NETO1: variants seen among roughly 807,000 people sequenced by gnomAD.
NETO1 encodes the protein neuropilin and tolloid like 1, also known as neuropilin and tolloid-like protein 1.
A neutral mutation model predicts 61.3 loss-of-function variants in NETO1; 26 were observed. The observed-to-expected ratio is 0.42, with a 90% CI of 0.31 to 0.59. NETO1 has a LOEUF of 0.59. Ranked by LOEUF, NETO1 falls within the 20% of genes least tolerant of loss-of-function variation. The pLI, the probability that NETO1 is intolerant of heterozygous loss-of-function variation, is 0.12. For synonymous variants in NETO1, 225 were observed against 225.8 expected, an observed-to-expected ratio of 1.00 and a Z score of 0.03; for missense variants, 531 against 662.8, an observed-to-expected ratio of 0.80 and a Z score of 2.18.
rs560015869 is a variant in NETO1 at position 72,814,816 on chromosome 18, T to G, written c.470-20412A>C. On this transcript the variant is annotated intron_variant, in intron 4 of 10. Transcript: ENST00000327305. ...CAACTCTCTGAGAGATACAAGAATT[T>G]TAAATGTATATATACCTAATAACAT... Among the ~76,000 whole-genome samples, 21 of 152,160 alleles carry G rather than the reference T, an allele frequency of 1.4e-4. No homozygotes were observed. The South Asian group carries it at 4.1e-3, about 30-fold the overall frequency.
At chr18:72,758,785 G>A (rs1456145668) in intron 7 of NETO1, among the ~76,000 whole-genome samples, 5 of 152,218 alleles carry the variant, frequency 3.3e-5, no homozygotes, top group African/African-American at 7.2e-5. Context: ...GCAGTGAGCC[G>A]AGATTGCGCC....
chr18:72,827,030 G>C (rs73471897), intron 4 of NETO1, among the ~76,000 whole-genome samples: 1 of 151,596 alleles, frequency 6.6e-6, no homozygotes, highest in African/African-American at 2.4e-5. Flanking sequence ...GTGAGAAATC[G>C]GGGCAAACTG....
Position 72,782,664 on chromosome 18 carries a change from C to A in NETO1, c.868+1014G>T, listed in dbSNP as rs543066414. Among the ~76,000 whole-genome samples, 90 of 152,160 alleles carry A rather than the reference C, an allele frequency of 5.9e-4. 1 individual carries two copies. Among genetic ancestry groups the A allele is most frequent in the African/African-American group, 1.9e-3 (78 of 41,518 alleles). On this transcript the variant is annotated intron_variant, in intron 7 of 10. Coordinates refer to ENST00000327305, the MANE Select transcript of NETO1 (RefSeq NM_138966.5). Reference sequence around the variant, plus strand: ...TACTAATAATACAAAATTAGCTGTGCATGGTGGTGCATGCCTGTAATCCCA... The same window carrying A: ...TACTAATAATACAAAATTAGCTGTGAATGGTGGTGCATGCCTGTAATCCCA...
chr18:72,867,353 C>A lies in NETO1; in HGVS notation c.-62G>T. ...ATTCCATTTAGAGACGGGAAGACTT[C>A]CAGTGGCGGGGGGAGGACAGGGTCG... On this transcript the variant is annotated 5_prime_UTR_variant, in exon 1 of 11. Coordinates refer to ENST00000327305, the MANE Select transcript of NETO1 (RefSeq NM_138966.5). The A allele has an allele frequency of 6.2e-6, 9 of 1,451,500 alleles. No individual in the cohort carries two copies. The highest frequency in any genetic ancestry group is 4.1e-5 in the Admixed American group (2 of 48,720). 89.9% of individuals were successfully genotyped at this position (1,451,500 alleles called of 1,614,324 possible).
intron 4 of NETO1, among the ~76,000 whole-genome samples, chr18:72,814,106 G>T (rs2072954119): frequency 6.6e-6 from 1 of 151,994 alleles, no homozygotes; most frequent in Non-Finnish European, 1.5e-5. Context: ...TTCACTAAGG[G>T]AATGTCTGAA....
At chr18:72,752,286 C>T (rs1221573435) in intron 8 of NETO1, among the ~76,000 whole-genome samples, 1 of 152,100 alleles carries the variant, frequency 6.6e-6, no homozygotes, top group Non-Finnish European at 1.5e-5. Context: ...TGGGCACTGT[C>T]AAAAGCAGTA....
chr18:72,775,029 G>A (rs1357465085), intron 7 of NETO1, among the ~76,000 whole-genome samples: 1 of 152,168 alleles, frequency 6.6e-6, no homozygotes, highest in African/African-American at 2.4e-5. Flanking sequence ...AAAAAATGAA[G>A]TTTAGCTGGG....
intron 4 of NETO1, among the ~76,000 whole-genome samples, chr18:72,856,428 A>G (rs1210605657): frequency 6.6e-6 from 1 of 152,210 alleles, no homozygotes; most frequent in Non-Finnish European, 1.5e-5. Flanking sequence ...AACCTGTACC[A>G]AGCATGCTTT....
At chr18:72,774,138 A>G (rs1247770222) in intron 7 of NETO1, among the ~76,000 whole-genome samples, 1 of 152,186 alleles carries the variant, frequency 6.6e-6, no homozygotes, top group African/African-American at 2.4e-5. Flanking sequence ...CTATTCATCA[A>G]TCAAATATTA....
At chr18:72,856,941 A>G (rs1235089194) in intron 4 of NETO1, among the ~76,000 whole-genome samples, 1 of 152,238 alleles carries the variant, frequency 6.6e-6, no homozygotes, top group Non-Finnish European at 1.5e-5. Context: ...CCTAAATGCT[A>G]TCTAAATTAT....
chr18:72,841,786 C>A (rs1304498060), intron 4 of NETO1, among the ~76,000 whole-genome samples: 2 of 147,534 alleles, frequency 1.4e-5, no homozygotes, highest in Non-Finnish European at 3.0e-5. Context: ...ATGGAGCATG[C>A]CCGAAATGGA....
intron 6 of NETO1, among the ~76,000 whole-genome samples, chr18:72,785,646 G>A (rs1269372143): frequency 2.0e-5 from 3 of 152,066 alleles, no homozygotes; most frequent in Non-Finnish European, 2.9e-5. Context: ...CCATTAACTC[G>A]TCATTTAACG....
chr18:72,818,243 C>T (rs2073087097), intron 4 of NETO1, among the ~76,000 whole-genome samples: 3 of 152,180 alleles, frequency 2.0e-5, no homozygotes. Context: ...TGTCTATTCA[C>T]TGTTAGAAGA....
chr18:72,777,582 A>T (rs531615525), intron 7 of NETO1, among the ~76,000 whole-genome samples: 1 of 63,664 alleles, frequency 1.6e-5, no homozygotes. Context: ...CCACTAAAAA[A>T]TACAAAAAAA....
At chr18:72,817,482 T>C (rs1415936971) in intron 4 of NETO1, among the ~76,000 whole-genome samples, 2 of 152,218 alleles carry the variant, frequency 1.3e-5, no homozygotes, top group Non-Finnish European at 2.9e-5. Context: ...ATTGTCACTG[T>C]GTAAGCCACT....
chr18:72,855,588 C>T (rs181123205), intron 4 of NETO1, among the ~76,000 whole-genome samples: 17 of 152,198 alleles, frequency 1.1e-4, no homozygotes, highest in Non-Finnish European at 1.6e-4. Context: ...GCTGTTCCCA[C>T]GTACAAATGG....
intron 4 of NETO1, among the ~76,000 whole-genome samples, chr18:72,806,302 A>G (rs1331964878): frequency 6.6e-6 from 1 of 152,192 alleles, no homozygotes. Context: ...TAGTTTTCTC[A>G]TTAACATCAA....
intron 4 of NETO1, among the ~76,000 whole-genome samples, chr18:72,796,118 T>G (rs1397042309): frequency 6.6e-6 from 1 of 152,224 alleles, no homozygotes; most frequent in Non-Finnish European, 1.5e-5. Context: ...GACTGCAATA[T>G]AAAAAGTAGC....
chr18:72,821,629 C>T (rs78376668), intron 4 of NETO1, among the ~76,000 whole-genome samples: 3,094 of 151,710 alleles, frequency 0.02, 114 homozygotes, highest in African/African-American at 0.071. Flanking sequence ...ACCATGCCCT[C>T]TGTCAGAAAT....
Sources: allele counts gnomAD v4.1 joint callset (sites outside exome capture counted in the v4.1 genomes callset), GRCh38; gene constraint gnomAD v4.1.1; transcripts MANE v1.5; gene names NCBI Gene and HGNC (gene_info 2026-07-23, HGNC 2026-07-21).